Variants in CCDC171 observed in about 807,000 individuals in gnomAD.
CCDC171 encodes coiled-coil domain containing 171, also known as coiled-coil domain-containing protein 171.
In CCDC171, 177 loss-of-function variants were observed where a neutral mutation model predicts 168.2. The ratio of observed to expected loss-of-function variants is 1.05; its 90% confidence interval spans 0.93 to 1.19. CCDC171 has a LOEUF of 1.19. Among genes scored for constraint, CCDC171 ranks in the 50% most tolerant of loss-of-function variants. The pLI is 0.00. For missense variants in CCDC171, 1,991 were observed against 1,539.0 expected (o/e 1.29, Z -4.91); for synonymous variants, 687 against 540.8 (o/e 1.27, Z -3.75).
rs777939882 is a variant in CCDC171 at position 15,971,606 on chromosome 9, C to G, written c.3754-3C>G. 6.8e-6 allele frequency: 11 copies of G among 1,606,234 alleles called. No individual in the cohort carries two copies. Among genetic ancestry groups the G allele is most frequent in the Non-Finnish European group, 9.4e-6 (11 of 1,174,250 alleles). ...TATTATTTTTTTCTTTTGTATGTCA[C>G]AGATAGGATCACGAGACCATTCAAA... On this transcript the variant is annotated splice_region_variant and splice_polypyrimidine_tract_variant and intron_variant, in intron 25 of 25. Coordinates refer to ENST00000380701, the MANE Select transcript of CCDC171 (RefSeq NM_173550.4).
intron 7 of CCDC171, among the ~76,000 whole-genome samples, chr9:15,647,023 C>T (rs1432965773): frequency 6.6e-6 from 1 of 152,090 alleles, no homozygotes; most frequent in African/African-American, 2.4e-5. Flanking sequence ...TCAGCAAATG[C>T]AAAAGAACAG....
At position 15,666,657 on chromosome 9, in the gene CCDC171, TA is replaced by T. The variant is rs750992940; in HGVS notation, c.1076+335del. On this transcript the variant is annotated intron_variant, in intron 9 of 25. Transcript: ENST00000380701. ...GGGCAACATAGTGAGACTTTGTCTC[TA>T]CAAAAAAAATAAAAAAATTAGCCAA... Among the ~76,000 whole-genome samples the T allele has an allele frequency of 7.6e-4, 115 of 152,124 alleles. 1 individual carries two copies. Among genetic ancestry groups the T allele is most frequent in the Non-Finnish European group, 1.5e-3 (102 of 67,996 alleles).
intron 18 of CCDC171, among the ~76,000 whole-genome samples, chr9:15,775,530 G>A (rs1231944209): frequency 6.6e-6 from 1 of 152,154 alleles, no homozygotes; most frequent in Non-Finnish European, 1.5e-5. Context: ...GTTTTAGCCA[G>A]GATGGTCTCG....
chr9:16,053,180 A>T (rs1404726897), intron 1 of CCDC171, among the ~76,000 whole-genome samples: 1 of 152,256 alleles, frequency 6.6e-6, no homozygotes, highest in Non-Finnish European at 1.5e-5. Context: ...ATCTACAGGC[A>T]GCTCCACTCT....
At chr9:15,735,198 C>G (rs1336810049) in intron 16 of CCDC171, among the ~76,000 whole-genome samples, 1 of 152,164 alleles carries the variant, frequency 6.6e-6, no homozygotes, top group Non-Finnish European at 1.5e-5. Context: ...CACAGCATGT[C>G]TTTAGCACTG....
intron 21 of CCDC171, among the ~76,000 whole-genome samples, chr9:15,836,796 CT>C (rs2060470709): frequency 6.6e-6 from 1 of 152,190 alleles, no homozygotes; most frequent in Non-Finnish European, 1.5e-5. Context: ...ATATAATCTT[CT>C]TTCCAGAAAG....
At chr9:15,666,136 T>A in intron 8 of CCDC171, 27 bp from the exon 9 acceptor site, 1 of 1,605,452 alleles carries the variant, frequency 6.2e-7, no homozygotes, top group Non-Finnish European at 8.5e-7. Flanking sequence ...CTTAGCTTGA[T>A]TTAATTACTT....
At chr9:16,099,800 T>A in the CCDC171 span, among the ~76,000 whole-genome samples, 1 of 152,020 alleles carries the variant, frequency 6.6e-6, no homozygotes, top group Non-Finnish European at 1.5e-5. Flanking sequence ...CTCAAATAGA[T>A]CCTCTTCTGC....
chr9:15,934,934 A>C (rs754636136), intron 25 of CCDC171, among the ~76,000 whole-genome samples: 15 of 152,084 alleles, frequency 9.9e-5, no homozygotes, highest in Non-Finnish European at 2.2e-4. Flanking sequence ...ATTCCATTTT[A>C]TATGAAATAT....
intron 24 of CCDC171, among the ~76,000 whole-genome samples, chr9:15,915,894 G>T (rs1282039808): frequency 6.6e-6 from 1 of 151,986 alleles, no homozygotes; most frequent in Non-Finnish European, 1.5e-5. Flanking sequence ...CCTTAATTCT[G>T]TTTATGTGAT....
chr9:15,569,194 A>G (rs2039999965), intron 2 of CCDC171, among the ~76,000 whole-genome samples: 1 of 151,958 alleles, frequency 6.6e-6, no homozygotes, highest in Admixed American at 6.6e-5. Context: ...GCCTATTTCC[A>G]TGGATTTGTT....
chr9:15,725,519 G>T (rs888881692), intron 14 of CCDC171, among the ~76,000 whole-genome samples: 1 of 151,902 alleles, frequency 6.6e-6, no homozygotes, highest in Non-Finnish European at 1.5e-5. Context: ...GTGCGATCTG[G>T]GCTCATTGCA....
intron 24 of CCDC171, among the ~76,000 whole-genome samples, chr9:15,916,892 A>G (rs188609787): frequency 6.6e-6 from 1 of 152,042 alleles, no homozygotes; most frequent in East Asian, 1.9e-4. Context: ...TGAGATACAG[A>G]TCTCACTGCA....
intron 6 of CCDC171, among the ~76,000 whole-genome samples, chr9:16,034,708 C>T (rs928535438): frequency 6.6e-5 from 10 of 152,166 alleles, no homozygotes; most frequent in African/African-American, 2.4e-4. Context: ...GGACAGGTGG[C>T]TTTAGTTTTT....
At chr9:16,087,989 C>T in the CCDC171 span, among the ~76,000 whole-genome samples, 8 of 152,076 alleles carry the variant, frequency 5.3e-5, no homozygotes, top group Admixed American at 3.3e-4. Flanking sequence ...TACTGGCAAA[C>T]GAAATCCAGC....
At chr9:16,082,370 C>T in the CCDC171 span, among the ~76,000 whole-genome samples, 5 of 152,158 alleles carry the variant, frequency 3.3e-5, no homozygotes, top group Admixed American at 6.5e-5. Flanking sequence ...CATAGCAGGT[C>T]ACATGAGTTT....
At chr9:16,093,728 C>G in the CCDC171 span, among the ~76,000 whole-genome samples, 1 of 152,160 alleles carries the variant, frequency 6.6e-6, no homozygotes, top group Non-Finnish European at 1.5e-5. Flanking sequence ...AATTATGTCT[C>G]TGTATCTTGT....
intron 21 of CCDC171, among the ~76,000 whole-genome samples, chr9:15,814,659 G>T (rs541499237): frequency 6.6e-6 from 1 of 151,814 alleles, no homozygotes; most frequent in East Asian, 1.9e-4. Context: ...AATTGCGTAT[G>T]AAACACACTA....
At chr9:15,717,799 A>G (rs111624647) in intron 11 of CCDC171, among the ~76,000 whole-genome samples, 16 of 152,102 alleles carry the variant, frequency 1.1e-4, no homozygotes, top group African/African-American at 3.9e-4. Context: ...CCTACTGACT[A>G]AAGAGCCCCT....
Sources: gnomAD v4.1 joint callset for allele counts (sites outside exome capture counted in the v4.1 genomes callset) on GRCh38, gnomAD v4.1.1 for gene constraint, MANE v1.5 for transcripts, NCBI Gene and HGNC (gene_info 2026-07-23, HGNC 2026-07-21) for gene names.